CNTNAP5: variants seen among roughly 807,000 people sequenced by gnomAD.
The protein encoded by CNTNAP5 is contactin-associated protein-like 5.
Under a neutral mutation model 150.2 loss-of-function variants are expected in CNTNAP5, and 72 were observed. The ratio of observed to expected loss-of-function variants is 0.48; its 90% CI spans 0.40 to 0.58. The LOEUF is 0.58. Ranked by LOEUF, CNTNAP5 falls within the 20% of genes least tolerant of loss-of-function variation. The pLI is 0.00. For synonymous variants in CNTNAP5, 672 were observed against 619.8 expected (o/e 1.08, Z -1.25); for missense variants, 1,636 against 1,626.2 (o/e 1.01, Z -0.10).
At chr2:124,744,811 C>T (rs1680570686) in intron 13 of CNTNAP5, among the ~76,000 whole-genome samples, 1 of 152,168 alleles carries the variant, frequency 6.6e-6, no homozygotes, top group South Asian at 2.1e-4. Context: ...AGTCAAACCC[C>T]TGTTTGATCC....
At chr2:124,576,678 T>C (rs554521843) in intron 11 of CNTNAP5, among the ~76,000 whole-genome samples, 188 of 152,346 alleles carry the variant, frequency 1.2e-3, no homozygotes, top group South Asian at 0.011. Flanking sequence ...TAGGCTGCCC[T>C]GGGTTAAATT....
intron 11 of CNTNAP5, among the ~76,000 whole-genome samples, chr2:124,584,362 C>G (rs906540324): frequency 1.3e-5 from 2 of 151,314 alleles, no homozygotes; most frequent in African/African-American, 4.9e-5. Context: ...TGATAAGGAA[C>G]TTAACTATAA....
chr2:124,201,069 G>A (rs1011553132), intron 1 of CNTNAP5, among the ~76,000 whole-genome samples: 1 of 152,308 alleles, frequency 6.6e-6, no homozygotes, highest in Non-Finnish European at 1.5e-5. Context: ...CATCACAAGT[G>A]CTAAGAGTTG....
At chr2:124,324,162 AC>A (rs1382013244) in intron 3 of CNTNAP5, among the ~76,000 whole-genome samples, 1 of 152,220 alleles carries the variant, frequency 6.6e-6, no homozygotes, top group African/African-American at 2.4e-5. Flanking sequence ...CAATTCCATC[AC>A]ACCTTTAGTT....
intron 1 of CNTNAP5, among the ~76,000 whole-genome samples, chr2:124,029,363 A>C (rs57323760): frequency 0.031 from 4,683 of 152,136 alleles, 201 homozygotes; most frequent in African/African-American, 0.095. Flanking sequence ...ACCACAAGTA[A>C]AGGAAGCACT....
At chr2:124,773,495 T>C (rs377613400) in intron 17 of CNTNAP5, among the ~76,000 whole-genome samples, 1 of 152,180 alleles carries the variant, frequency 6.6e-6, no homozygotes, top group African/African-American at 2.4e-5. Context: ...GAGAAAGGAA[T>C]GATCCCTTTC....
intron 2 of CNTNAP5, among the ~76,000 whole-genome samples, chr2:124,226,069 T>A (rs1686450686): frequency 6.6e-6 from 1 of 152,192 alleles, no homozygotes; most frequent in South Asian, 2.1e-4. Flanking sequence ...AATGCTGCAA[T>A]GAACATTGGA....
At chr2:124,730,878 T>C (rs556911043) in intron 13 of CNTNAP5, among the ~76,000 whole-genome samples, 54 of 152,066 alleles carry the variant, frequency 3.6e-4, no homozygotes, top group South Asian at 1.0e-3. Flanking sequence ...ATTCTTCAGA[T>C]ATGGGGCTGT....
At position 124,332,908 on chromosome 2, in the gene CNTNAP5, A is replaced by G. The variant is rs1173341745; in HGVS notation, c.382-84535A>G. ...TATTTACCAAAGATTATAAATCCACATAAACTTTAGAAGCATTTGAGCTTA... is the reference window on the plus strand; with the variant it reads ...TATTTACCAAAGATTATAAATCCACGTAAACTTTAGAAGCATTTGAGCTTA... On this transcript the variant is annotated intron_variant, in intron 3 of 23. Transcript: ENST00000682447. Among the ~76,000 whole-genome samples, 4 of 152,146 alleles carry G rather than the reference A, an allele frequency of 2.6e-5. No individual in the cohort carries two copies. In the East Asian group the frequency reaches 5.8e-4, roughly 22 times the overall value.
At chr2:124,475,412 G>A (rs1693617161) in intron 7 of CNTNAP5, among the ~76,000 whole-genome samples, 1 of 152,010 alleles carries the variant, frequency 6.6e-6, no homozygotes, top group African/African-American at 2.4e-5. Context: ...TGAGGGTCAG[G>A]ACTGTGTTTT....
chr2:124,428,673 A>ATT (rs68135556), intron 4 of CNTNAP5, among the ~76,000 whole-genome samples: 22,441 of 146,020 alleles, frequency 0.15, 1,766 homozygotes, highest in Non-Finnish European at 0.19. Context: ...AGCAATCAGC[A>ATT]TTTTTTTTTT....
intron 9 of CNTNAP5, among the ~76,000 whole-genome samples, chr2:124,524,748 C>G (rs1222057764): frequency 6.6e-6 from 1 of 152,174 alleles, no homozygotes; most frequent in Non-Finnish European, 1.5e-5. Flanking sequence ...CCATGCCAAG[C>G]CCTGTAATCA....
chr2:124,476,668 G>T (rs78646414), intron 7 of CNTNAP5, among the ~76,000 whole-genome samples: 3,301 of 152,186 alleles, frequency 0.022, 73 homozygotes, highest in South Asian at 0.054. Context: ...CTTCAGAATT[G>T]GCCTTGTAAG....
chr2:124,655,995 GAAA>G (rs1234080311), intron 13 of CNTNAP5, among the ~76,000 whole-genome samples: 1,299 of 129,158 alleles, frequency 0.01, 5 homozygotes, highest in Middle Eastern at 0.018. Context: ...AAGAAAGAAA[GAAA>G]AAAGGAAGGA....
At chr2:124,773,154 C>A in intron 17 of CNTNAP5, 137 bp downstream of exon 17, 1 of 697,356 alleles carries the variant, frequency 1.4e-6, no homozygotes, top group Non-Finnish European at 2.5e-6. Context: ...TGGTAAATTT[C>A]ATTCTATACA....
At chr2:124,137,136 A>G (rs1683991662) in intron 1 of CNTNAP5, among the ~76,000 whole-genome samples, 1 of 152,068 alleles carries the variant, frequency 6.6e-6, no homozygotes, top group Non-Finnish European at 1.5e-5. Flanking sequence ...GACCCTTTCT[A>G]TCACCACCTC....
chr2:124,130,729 A>T (rs1683824174), intron 1 of CNTNAP5, among the ~76,000 whole-genome samples: 1 of 152,032 alleles, frequency 6.6e-6, no homozygotes, highest in Admixed American at 6.6e-5. Context: ...GGCTTATATA[A>T]TTTTTTATCA....
chr2:124,654,305 CA>C (rs2105035168), intron 13 of CNTNAP5, among the ~76,000 whole-genome samples: 1 of 152,042 alleles, frequency 6.6e-6, no homozygotes, highest in Non-Finnish European at 1.5e-5. Context: ...GTTTCAAATC[CA>C]AAGGGTAATG....
chr2:124,706,779 GAAGAAGAAGAAGA>G (rs1558742926), intron 13 of CNTNAP5, among the ~76,000 whole-genome samples: 7 of 34,902 alleles, frequency 2.0e-4, no homozygotes, highest in Admixed American at 1.8e-3. Flanking sequence ...AGAAGAAGAA[GAAGAAGAAGAAGA>G]AGAAGGAGGA....
Sources: allele counts gnomAD v4.1 joint callset (sites outside exome capture counted in the v4.1 genomes callset), GRCh38; gene constraint gnomAD v4.1.1; transcripts MANE v1.5; gene names NCBI Gene and HGNC (gene_info 2026-07-23, HGNC 2026-07-21).